Variants in ITIH6 observed in about 807,000 individuals in gnomAD.
ITIH6 encodes inter-alpha-trypsin inhibitor heavy chain family member 6.
In ITIH6, 60 loss-of-function variants were observed where a neutral mutation model predicts 58.2. That is an observed-to-expected ratio of 1.03 (90% confidence interval 0.84 to 1.28). The LOEUF (loss-of-function observed/expected upper bound fraction) is 1.28. Ranked by LOEUF, ITIH6 falls within the 50% of genes most tolerant of loss-of-function variation. ITIH6 has a pLI of 0.00. For missense variants in ITIH6, 1,290 were observed against 1,021.1 expected, an observed-to-expected ratio of 1.26 and a Z score of -3.59; for synonymous variants, 493 against 417.4, an observed-to-expected ratio of 1.18 and a Z score of -2.21.
At chrX:54,786,593 C>T (rs926837328) in intron 5 of ITIH6, among the ~76,000 whole-genome samples, 1 of 111,239 alleles carries the variant, frequency 9.0e-6, no homozygotes, top group South Asian at 3.8e-4. Flanking sequence ...TCGTGCGGCC[C>T]CCACTTTGCC....
chrX:54,791,605 A>G (rs1049691269), intron 3 of ITIH6, among the ~76,000 whole-genome samples: 11 of 111,453 alleles, frequency 9.9e-5, no homozygotes, highest in Non-Finnish European at 1.9e-4. Flanking sequence ...TGCCCGCTGA[A>G]TGGAACTCAG....
chrX:54,761,743 G>T, intron 6 of ITIH6, among the ~76,000 whole-genome samples: 1 of 111,041 alleles, frequency 9.0e-6, no homozygotes, highest in South Asian at 3.8e-4. Context: ...AGATCAGATG[G>T]TTGTAGATGT....
At chrX:54,785,731 A>C (rs773395564) in intron 5 of ITIH6, among the ~76,000 whole-genome samples, 10 of 111,658 alleles carry the variant, frequency 9.0e-5, no homozygotes, top group Non-Finnish European at 1.7e-4. Flanking sequence ...AGGTCAAAGC[A>C]TGAAAAGAAA....
chrX:54,791,658 T>A (rs1411732866), intron 3 of ITIH6, among the ~76,000 whole-genome samples: 2 of 112,075 alleles, frequency 1.8e-5, no homozygotes, highest in African/African-American at 6.5e-5. Context: ...GCATATAACC[T>A]TCCTGGAAGG....
chrX:54,753,875 A>G (rs1165543078), intron 10 of ITIH6, 55 bp downstream of exon 10: 1 of 1,159,591 alleles, frequency 8.6e-7, no homozygotes, highest in East Asian at 3.0e-5. Context: ...CCCCAGTCCC[A>G]GTGCACAAGC....
At position 54,756,877 on chromosome X, in the gene ITIH6, T is replaced by G. The variant is rs765950197; in HGVS notation, c.3109+88A>C. 4.2e-4 allele frequency: 221 copies of G among 523,757 alleles called. 2 individuals are homozygous for G. In the African/African-American group the frequency reaches 4.6e-3, roughly 11 times the overall value. 43.2% of individuals were successfully genotyped at this position (523,757 alleles called of 1,213,427 possible). A position where few individuals can be genotyped will look rare whatever the true frequency, so the allele number is the denominator to read the frequency against. ...GGAAGCAGCTGTCCCATCACTGGAG[T>G]CTGCATAAGCCTTGTAGATTCCCAG... is the stretch of plus-strand genomic sequence containing the variant. On this transcript the variant is annotated intron_variant, in intron 8 of 12. Transcript: ENST00000218436.
chrX:54,777,067 G>A (rs1431334322), intron 5 of ITIH6, among the ~76,000 whole-genome samples: 1 of 112,171 alleles, frequency 8.9e-6, no homozygotes. Flanking sequence ...CCAGAGAAGA[G>A]CCTACTGCCC....
At chrX:54,750,699 C>A (rs1438478148) in intron 12 of ITIH6, among the ~76,000 whole-genome samples, 1 of 111,934 alleles carries the variant, frequency 8.9e-6, no homozygotes, top group East Asian at 2.8e-4. Flanking sequence ...TCTTGTTTAG[C>A]CTTTCAGACT....
Position 54,790,896 on chromosome X carries a change from A to T in ITIH6, c.557T>A (p.Ile186Asn). 2 of 1,211,875 alleles carry T rather than the reference A, an allele frequency of 1.7e-6. No individual in the cohort carries two copies. Among genetic ancestry groups the T allele is most frequent in the South Asian group, 1.8e-5 (1 of 57,018 alleles). Residue 186 changes from isoleucine (I) to asparagine (N), a missense_variant, in exon 4 of 13, where the codon ATC becomes AAC. Transcript: ENST00000218436. ...CAGGGGTGGTATGTGCACATAGGAG[A>T]TGCCTGTCCTTTCTGACACTGTAAC... is the stretch of plus-strand genomic sequence containing the variant. Reference protein sequence around the residue: ...IEVTVSERTGISYVHIPPLRT... With the variant: ...IEVTVSERTGNSYVHIPPLRT...
In ITIH6 at chrX:54,749,243, A is replaced by T. The variant is rs940348494; in HGVS notation, c.*652T>A. 1.8e-5 allele frequency: 2 copies of T among 111,957 alleles called. No individual in the cohort carries two copies. Among genetic ancestry groups the T allele is most frequent in the East Asian group, 5.6e-4 (2 of 3,595 alleles). The allele number at this position is 111,957 out of a possible 1,213,427, so 9.2% of individuals were successfully genotyped here. A position where few individuals can be genotyped will look rare whatever the true frequency, so the allele number is the denominator to read the frequency against. On this transcript the variant is annotated 3_prime_UTR_variant, in exon 13 of 13. Coordinates refer to ENST00000218436, the MANE Select transcript of ITIH6 (RefSeq NM_198510.3). ...CACTGGGGATACATAGATGATTCAG[A>T]AAAGGTCCTTGCCCTCAAAGATCTC...
At chrX:54,754,761 G>A (rs1050895681) in intron 9 of ITIH6, among the ~76,000 whole-genome samples, 3 of 112,209 alleles carry the variant, frequency 2.7e-5, no homozygotes, top group African/African-American at 9.7e-5. Context: ...AGAGCTCAGT[G>A]TGACAGACAC....
At chrX:54,780,351 A>G (rs758185264) in intron 5 of ITIH6, among the ~76,000 whole-genome samples, 1 of 112,483 alleles carries the variant, frequency 8.9e-6, no homozygotes, top group Non-Finnish European at 1.9e-5. Context: ...AACACTAAAA[A>G]TCAATAACAA....
At chrX:54,767,648 A>G (rs1458151349) in intron 6 of ITIH6, among the ~76,000 whole-genome samples, 3 of 102,814 alleles carry the variant, frequency 2.9e-5, no homozygotes, top group Non-Finnish European at 5.9e-5. Flanking sequence ...TTCGTTATGC[A>G]CCCAGTAGTC....
intron 6 of ITIH6, among the ~76,000 whole-genome samples, chrX:54,773,042 G>A (rs1458334027): frequency 8.9e-6 from 1 of 111,807 alleles, no homozygotes; most frequent in Admixed American, 9.5e-5. Context: ...TCTAGTGTCT[G>A]TATTTTTGTT....
At chrX:54,771,164 A>G (rs1928940660) in intron 6 of ITIH6, among the ~76,000 whole-genome samples, 1 of 111,483 alleles carries the variant, frequency 9.0e-6, no homozygotes, top group East Asian at 2.8e-4. Context: ...CTAGGTGTAG[A>G]TTGTTTAGTA....
At chrX:54,785,615 C>T (rs137971226) in intron 5 of ITIH6, among the ~76,000 whole-genome samples, 1 of 112,035 alleles carries the variant, frequency 8.9e-6, no homozygotes, top group Non-Finnish European at 1.9e-5. Flanking sequence ...ATGACTTCTG[C>T]TGTCTTCAAA....
intron 5 of ITIH6, among the ~76,000 whole-genome samples, chrX:54,782,149 G>A (rs746563986): frequency 3.8e-4 from 42 of 111,344 alleles, no homozygotes; most frequent in African/African-American, 9.1e-4. Context: ...GGACACAGTG[G>A]CTCATGCCTG....
chrX:54,768,376 A>G (rs1928854747), intron 6 of ITIH6, among the ~76,000 whole-genome samples: 1 of 88,212 alleles, frequency 1.1e-5, no homozygotes, highest in Admixed American at 1.3e-4. Flanking sequence ...TAATTGGAGA[A>G]TTTAGTCCAT....
intron 6 of ITIH6, among the ~76,000 whole-genome samples, chrX:54,773,638 ACT>A (rs960931999): frequency 2.8e-5 from 3 of 108,395 alleles, no homozygotes; most frequent in African/African-American, 1.0e-4. Flanking sequence ...ATGACTCCTG[ACT>A]CTATGGTTTC....
Sources: gnomAD v4.1 joint callset for allele counts (sites outside exome capture counted in the v4.1 genomes callset) on GRCh38, gnomAD v4.1.1 for gene constraint, MANE v1.5 for transcripts, NCBI Gene and HGNC (gene_info 2026-07-23, HGNC 2026-07-21) for gene names.